The following GALNT13 variants were observed in gnomAD, a reference collection of about 807,000 sequenced individuals.
GALNT13 encodes the protein UDP-GalNAc:polypeptide N-acetylgalactosaminyltransferase 13.
In GALNT13, 28 loss-of-function variants were observed where a neutral mutation model predicts 64.2. The ratio of observed to expected loss-of-function variants is 0.44; its 90% CI spans 0.32 to 0.60. The LOEUF is 0.60. GALNT13 is among the 20% of genes least tolerant of loss of function. The pLI, the probability that GALNT13 is intolerant of heterozygous loss-of-function variation, is 0.05. For missense variants in GALNT13, 577 were observed against 669.8 expected (o/e 0.86, Z 1.53); for synonymous variants, 214 against 224.6 (o/e 0.95, Z 0.42).
the GALNT13 span, among the ~76,000 whole-genome samples, chr2:153,334,111 A>T: frequency 6.6e-6 from 1 of 152,228 alleles, no homozygotes; most frequent in Non-Finnish European, 1.5e-5. Flanking sequence ...AACTTGAAAG[A>T]TCTGATATAC....
At chr2:154,004,024 C>A (rs533000773) in intron 3 of GALNT13, among the ~76,000 whole-genome samples, 1 of 152,116 alleles carries the variant, frequency 6.6e-6, no homozygotes, top group African/African-American at 2.4e-5. Context: ...CAGACTAATA[C>A]ATACCTTTAA....
At chr2:153,479,007 C>G in the GALNT13 span, among the ~76,000 whole-genome samples, 1 of 152,218 alleles carries the variant, frequency 6.6e-6, no homozygotes, top group Non-Finnish European at 1.5e-5. Flanking sequence ...TTGCTTGCTT[C>G]TTTTGCAAAC....
At chr2:154,041,460 G>A (rs1268036289) in intron 3 of GALNT13, among the ~76,000 whole-genome samples, 5 of 139,852 alleles carry the variant, frequency 3.6e-5, no homozygotes, top group African/African-American at 1.2e-4. Flanking sequence ...TGTTCTGTGA[G>A]GTTTTTTTCT....
At chr2:153,549,232 C>T in the GALNT13 span, among the ~76,000 whole-genome samples, 1 of 152,168 alleles carries the variant, frequency 6.6e-6, no homozygotes. Flanking sequence ...CTGAACTGCA[C>T]ACGTTAAAAT....
intron 12 of GALNT13, among the ~76,000 whole-genome samples, chr2:154,440,064 G>A (rs1048461831): frequency 8.5e-5 from 13 of 152,172 alleles, no homozygotes; most frequent in Middle Eastern, 3.4e-3. Flanking sequence ...CTTCTATGAG[G>A]AAAAGTGCAG....
At chr2:153,635,322 G>C in the GALNT13 span, among the ~76,000 whole-genome samples, 2 of 150,338 alleles carry the variant, frequency 1.3e-5, no homozygotes, top group East Asian at 3.9e-4. Context: ...AATTTGAAGG[G>C]AGTTCCTGGT....
At chr2:153,959,345 C>T (rs924575145) in intron 3 of GALNT13, among the ~76,000 whole-genome samples, 3 of 152,176 alleles carry the variant, frequency 2.0e-5, no homozygotes, top group Non-Finnish European at 4.4e-5. Context: ...TCTGGCATCC[C>T]AGAGTCAACA....
At chr2:153,472,723 A>G in the GALNT13 span, among the ~76,000 whole-genome samples, 1 of 152,192 alleles carries the variant, frequency 6.6e-6, no homozygotes, top group African/African-American at 2.4e-5. Flanking sequence ...CCTTAAATAT[A>G]TTTAGAAAAT....
the GALNT13 span, among the ~76,000 whole-genome samples, chr2:153,181,858 T>C: frequency 7.5e-5 from 11 of 146,518 alleles, no homozygotes; most frequent in African/African-American, 2.7e-4. Flanking sequence ...TATAAGTATA[T>C]TATATAAGTA....
chr2:153,410,852 C>T, the GALNT13 span, among the ~76,000 whole-genome samples: 1 of 151,766 alleles, frequency 6.6e-6, no homozygotes, highest in Admixed American at 6.6e-5. Context: ...CACACACACA[C>T]ACAAATATAT....
the GALNT13 span, among the ~76,000 whole-genome samples, chr2:153,268,063 C>T: frequency 6.6e-6 from 1 of 152,136 alleles, no homozygotes; most frequent in Non-Finnish European, 1.5e-5. Flanking sequence ...CACATCAAAA[C>T]ATAATCATTC....
the GALNT13 span, among the ~76,000 whole-genome samples, chr2:153,471,087 C>G: frequency 2.6e-5 from 4 of 152,096 alleles, no homozygotes; most frequent in Non-Finnish European, 5.9e-5. Flanking sequence ...TTGAGTATTT[C>G]AGGCCCCATG....
At chr2:154,023,002 G>A (rs554751149) in intron 3 of GALNT13, among the ~76,000 whole-genome samples, 9 of 152,132 alleles carry the variant, frequency 5.9e-5, no homozygotes, top group African/African-American at 9.7e-5. Flanking sequence ...GTAGTTGAGC[G>A]GTTTTGAGTG....
the GALNT13 span, among the ~76,000 whole-genome samples, chr2:153,719,568 G>C: frequency 1.3e-5 from 2 of 152,148 alleles, no homozygotes; most frequent in East Asian, 1.9e-4. Context: ...TCTCACTAGG[G>C]AGTGCCAGAC....
chr2:154,393,806 C>T (rs1032973298), intron 9 of GALNT13, among the ~76,000 whole-genome samples: 12 of 151,976 alleles, frequency 7.9e-5, no homozygotes, highest in Non-Finnish European at 1.3e-4. Context: ...AGGCCGGGCG[C>T]GGTGGCTCAC....
At chr2:153,969,492 A>G (rs1486141010) in intron 3 of GALNT13, among the ~76,000 whole-genome samples, 2 of 152,072 alleles carry the variant, frequency 1.3e-5, no homozygotes, top group Non-Finnish European at 2.9e-5. Flanking sequence ...TAAGTCCAAT[A>G]CATATAGATT....
intron 4 of GALNT13, among the ~76,000 whole-genome samples, chr2:154,149,952 G>C (rs575396409): frequency 9.9e-5 from 15 of 152,036 alleles, no homozygotes; most frequent in African/African-American, 3.6e-4. Context: ...TGGCCAGAAC[G>C]TCCAACACTA....
chr2:154,217,548 C>T (rs1445468302), intron 4 of GALNT13, among the ~76,000 whole-genome samples: 1 of 152,018 alleles, frequency 6.6e-6, no homozygotes, highest in Non-Finnish European at 1.5e-5. Flanking sequence ...TCTTCTGGCA[C>T]TTGTTAGCCT....
intron 4 of GALNT13, among the ~76,000 whole-genome samples, chr2:154,159,888 G>A (rs1321691396): frequency 1.3e-5 from 2 of 152,122 alleles, no homozygotes; most frequent in Non-Finnish European, 2.9e-5. Context: ...CATTTATTGA[G>A]CAACTACCGA....
Sources: allele counts gnomAD v4.1 joint callset (sites outside exome capture counted in the v4.1 genomes callset), GRCh38; gene constraint gnomAD v4.1.1; transcripts MANE v1.5; gene names NCBI Gene and HGNC (gene_info 2026-07-23, HGNC 2026-07-21).